SRGAP3: variants seen among roughly 807,000 people sequenced by gnomAD.
The protein encoded by SRGAP3 is SLIT-ROBO Rho GTPase activating protein 3.
In SRGAP3, 39 loss-of-function variants were observed where a neutral mutation model predicts 121.1. The ratio of observed to expected loss-of-function variants is 0.32; its 90% CI spans 0.25 to 0.42. The LOEUF is 0.42. Ranked by LOEUF, SRGAP3 falls within the 10% of genes least tolerant of loss-of-function variation. The pLI, the probability that SRGAP3 is intolerant of heterozygous loss-of-function variation, is 1.00. For missense variants in SRGAP3, 1,213 were observed against 1,470.6 expected (o/e 0.82, Z 2.86); for synonymous variants, 601 against 570.0 (o/e 1.05, Z -0.77).
At chr3:9,322,179 T>C (rs1955448216) in intron 3 of SRGAP3, among the ~76,000 whole-genome samples, 1 of 151,558 alleles carries the variant, frequency 6.6e-6, no homozygotes, top group Admixed American at 6.5e-5. Context: ...GATTGTGGTG[T>C]GAGTTCAATT....
At chr3:8,997,706 C>A (rs756380416) in intron 18 of SRGAP3, among the ~76,000 whole-genome samples, 2 of 152,180 alleles carry the variant, frequency 1.3e-5, no homozygotes, top group Non-Finnish European at 2.9e-5. Context: ...AAGAATTTCA[C>A]AGTGAACATG....
chr3:9,175,530 C>A (rs1023321703), intron 1 of SRGAP3, among the ~76,000 whole-genome samples: 1 of 152,160 alleles, frequency 6.6e-6, no homozygotes, highest in East Asian at 1.9e-4. Flanking sequence ...GGACCCAGCA[C>A]GGGGAGCCCT....
chr3:9,005,452 C>A (rs748844235), intron 18 of SRGAP3, among the ~76,000 whole-genome samples: 136 of 151,964 alleles, frequency 8.9e-4, no homozygotes, highest in Non-Finnish European at 6.2e-4. Context: ...ATGAAAAATT[C>A]TGTCTATACA....
Position 9,239,449 on chromosome 3 carries a change from G to A in SRGAP3, c.67+9436C>T, listed in dbSNP as rs1162696422. On this transcript the variant is annotated intron_variant, in intron 1 of 21. Coordinates refer to ENST00000383836, the MANE Select transcript of SRGAP3 (RefSeq NM_014850.4). The surrounding 1 kb of genome is among the most constrained non-coding windows in gnomAD (Gnocchi z 4.0). ...AGAAAGAAAGAAAAATATATTTCTT[G>A]TGCACCTGGGTTTGTAGCTGAGATT... Among the ~76,000 whole-genome samples, 1 of 152,186 alleles carries A rather than the reference G, an allele frequency of 6.6e-6. No individual in the cohort carries two copies. The highest frequency in any genetic ancestry group is 6.5e-5 in the Admixed American group (1 of 15,274).
At chr3:9,175,053 G>A (rs955509274) in intron 1 of SRGAP3, among the ~76,000 whole-genome samples, 11 of 152,126 alleles carry the variant, frequency 7.2e-5, no homozygotes, top group South Asian at 2.1e-4. Context: ...CCCTACATCC[G>A]AAACTCCCCG....
At chr3:9,238,015 T>A (rs1953477678) in intron 1 of SRGAP3, among the ~76,000 whole-genome samples, 1 of 152,130 alleles carries the variant, frequency 6.6e-6, no homozygotes, top group Admixed American at 6.5e-5. Context: ...TTTTTGATTG[T>A]CACAACTGGG....
intron 1 of SRGAP3, among the ~76,000 whole-genome samples, chr3:9,359,478 T>C (rs547000125): frequency 6.6e-6 from 1 of 152,318 alleles, no homozygotes; most frequent in East Asian, 1.9e-4. Context: ...ACCATGCTCA[T>C]GATTGAGGCA....
At chr3:9,237,421 G>A (rs1953454214) in intron 1 of SRGAP3, among the ~76,000 whole-genome samples, 1 of 152,170 alleles carries the variant, frequency 6.6e-6, no homozygotes, top group South Asian at 2.1e-4. Flanking sequence ...CTCTTATTGA[G>A]TTTCAGTCCT....
intron 1 of SRGAP3, among the ~76,000 whole-genome samples, chr3:9,211,571 T>G (rs1418860665): frequency 6.6e-6 from 1 of 152,114 alleles, no homozygotes; most frequent in Non-Finnish European, 1.5e-5. Flanking sequence ...GATTACTCAG[T>G]TAAGCTGAAA....
At chr3:9,005,868 A>T (rs1474898074) in intron 18 of SRGAP3, among the ~76,000 whole-genome samples, 1 of 152,200 alleles carries the variant, frequency 6.6e-6, no homozygotes, top group East Asian at 1.9e-4. Context: ...ATGGTTGCAC[A>T]TATCTGTGAA....
chr3:9,332,374 C>T (rs1349411224), intron 1 of SRGAP3, among the ~76,000 whole-genome samples: 7 of 152,216 alleles, frequency 4.6e-5, no homozygotes, highest in Non-Finnish European at 1.0e-4. Flanking sequence ...CCTGCCTTGG[C>T]CTTCCAAAGT....
intron 1 of SRGAP3, among the ~76,000 whole-genome samples, chr3:9,360,332 C>T (rs1298935903): frequency 6.6e-6 from 1 of 152,184 alleles, no homozygotes; most frequent in Non-Finnish European, 1.5e-5. Context: ...AATAAACCCA[C>T]CATACGCAGA....
chr3:9,074,482 T>C (rs995002311), intron 4 of SRGAP3, among the ~76,000 whole-genome samples: 1 of 152,154 alleles, frequency 6.6e-6, no homozygotes, highest in African/African-American at 2.4e-5. Flanking sequence ...TTTCCACTAA[T>C]TAACTAACAC....
chr3:9,043,443 C>T (rs1035675641), intron 10 of SRGAP3, among the ~76,000 whole-genome samples: 6 of 152,128 alleles, frequency 3.9e-5, no homozygotes, highest in African/African-American at 1.4e-4. Context: ...TGCCTGCGCT[C>T]TTGGATAGAT....
At position 9,228,732 on chromosome 3, in the gene SRGAP3, G is replaced by A. The variant is rs142248295; in HGVS notation, c.67+20153C>T. ...CAACAGAAGAAAGATCAACAAGGTAGAAGAAGGAGGGTGATGTTGACACCT... is the reference window on the plus strand; with the variant it reads ...CAACAGAAGAAAGATCAACAAGGTAAAAGAAGGAGGGTGATGTTGACACCT... On this transcript the variant is annotated intron_variant, in intron 1 of 21. Coordinates refer to ENST00000383836, the MANE Select transcript of SRGAP3 (RefSeq NM_014850.4). 1.1e-4 allele frequency among the ~76,000 whole-genome samples: 16 copies of A among 152,328 alleles called. No homozygotes were observed. In the East Asian group the frequency reaches 2.1e-3, roughly 20 times the overall value.
intron 1 of SRGAP3, among the ~76,000 whole-genome samples, chr3:9,215,731 T>C (rs1203465669): frequency 6.6e-6 from 1 of 152,206 alleles, no homozygotes; most frequent in African/African-American, 2.4e-5. Context: ...GGGGCATCCT[T>C]CTTCTCCTGC....
At chr3:9,015,085 T>G (rs1027025068) in intron 15 of SRGAP3, among the ~76,000 whole-genome samples, 5 of 152,114 alleles carry the variant, frequency 3.3e-5, no homozygotes, top group South Asian at 2.1e-4. Flanking sequence ...CTTTCAGCAT[T>G]TCCCTTGCTG....
chr3:9,337,323 A>C (rs1245720908), intron 1 of SRGAP3, among the ~76,000 whole-genome samples: 2 of 152,228 alleles, frequency 1.3e-5, no homozygotes, highest in Non-Finnish European at 2.9e-5. Context: ...TGGCCTAGTC[A>C]ATTTGACACA....
At position 9,001,366 on chromosome 3, in the gene SRGAP3, T is replaced by G. The variant is rs1054768171; in HGVS notation, c.2228-6843A>C. 3.3e-5 allele frequency among the ~76,000 whole-genome samples: 5 copies of G among 152,350 alleles called. 1 individual carries two copies. The South Asian group carries it at 1.0e-3, about 32-fold the overall frequency. ...ATTGTATCCAATAAATATGTCCAATTATCTGTCCATCAAAAATTAAATAAA... is the reference window on the plus strand; with the variant it reads ...ATTGTATCCAATAAATATGTCCAATGATCTGTCCATCAAAAATTAAATAAA... On this transcript the variant is annotated intron_variant, in intron 18 of 21. Transcript: ENST00000383836.
Sources: gnomAD v4.1 joint callset for allele counts (sites outside exome capture counted in the v4.1 genomes callset) on GRCh38, gnomAD v4.1.1 for gene constraint, Gnocchi (gnomAD v3.1) non-coding constraint, MANE v1.5 for transcripts, NCBI Gene and HGNC (gene_info 2026-07-23, HGNC 2026-07-21) for gene names.